Variants in GPC5 observed in about 807,000 individuals in gnomAD.
GPC5 encodes the protein glypican 5.
GPC5 carries 47 observed loss-of-function variants against 53.9 expected under a neutral mutation model. The observed-to-expected ratio is 0.87, with a 90% CI of 0.69 to 1.11. The LOEUF (loss-of-function observed/expected upper bound fraction) is 1.11, where lower values mean the gene tolerates loss of function less well. GPC5 is among the 50% of genes most tolerant of loss of function. The probability of loss-of-function intolerance (pLI) is 0.00; values close to 1 mark genes in which losing one functional copy is unlikely to be tolerated. For synonymous variants in GPC5, 286 were observed against 263.3 expected (o/e 1.09, Z -0.84); for missense variants, 748 against 713.1 (o/e 1.05, Z -0.56).
intron 5 of GPC5, among the ~76,000 whole-genome samples, chr13:91,796,009 C>A (rs2038040236): frequency 6.6e-6 from 1 of 152,106 alleles, no homozygotes; most frequent in Admixed American, 6.5e-5. Flanking sequence ...CCAGAGCTCC[C>A]AAGATGGTGG....
chr13:92,455,627 A>G (rs1878234567), intron 7 of GPC5, among the ~76,000 whole-genome samples: 1 of 152,236 alleles, frequency 6.6e-6, no homozygotes, highest in Admixed American at 6.5e-5. Flanking sequence ...AATTGGTTAA[A>G]TGCTATTATG....
chr13:92,580,902 A>G (rs1422090109), intron 7 of GPC5, among the ~76,000 whole-genome samples: 1 of 152,156 alleles, frequency 6.6e-6, no homozygotes, highest in Non-Finnish European at 1.5e-5. Flanking sequence ...AACTATACAA[A>G]TATGCATATA....
At chr13:92,465,527 C>T (rs1878657043) in intron 7 of GPC5, among the ~76,000 whole-genome samples, 1 of 151,972 alleles carries the variant, frequency 6.6e-6, no homozygotes, top group Non-Finnish European at 1.5e-5. Context: ...ATTGGGTTAT[C>T]TATTATGCTA....
intron 7 of GPC5, among the ~76,000 whole-genome samples, chr13:92,767,609 T>C (rs969721162): frequency 1.3e-5 from 2 of 152,242 alleles, no homozygotes; most frequent in African/African-American, 2.4e-5. Flanking sequence ...TGTATTTCTC[T>C]TCACAGAAAG....
At chr13:92,443,125 G>A (rs555741048) in intron 7 of GPC5, among the ~76,000 whole-genome samples, 1 of 152,124 alleles carries the variant, frequency 6.6e-6, no homozygotes, top group Non-Finnish European at 1.5e-5. Context: ...GAAGGAGAAG[G>A]GGGAGCAGGC....
intron 7 of GPC5, among the ~76,000 whole-genome samples, chr13:92,401,904 T>A (rs963601127): frequency 4.6e-5 from 7 of 152,188 alleles, no homozygotes; most frequent in African/African-American, 1.4e-4. Flanking sequence ...TGGCTTAAAA[T>A]GACATCTTGC....
intron 7 of GPC5, among the ~76,000 whole-genome samples, chr13:92,365,920 C>G (rs778538829): frequency 6.6e-6 from 1 of 151,472 alleles, no homozygotes; most frequent in Non-Finnish European, 1.5e-5. Flanking sequence ...AAAGCATGCA[C>G]TCAAAAATAA....
intron 7 of GPC5, among the ~76,000 whole-genome samples, chr13:92,676,057 T>G (rs1209570869): frequency 1.3e-5 from 2 of 152,178 alleles, no homozygotes; most frequent in Non-Finnish European, 2.9e-5. Context: ...AACCAGATAT[T>G]TTTTGCCATG....
At chr13:91,733,061 G>T (rs1425717467) in intron 4 of GPC5, among the ~76,000 whole-genome samples, 1 of 152,206 alleles carries the variant, frequency 6.6e-6, no homozygotes, top group Non-Finnish European at 1.5e-5. Flanking sequence ...TGTGAAGAAT[G>T]TCAATGGTAG....
At chr13:92,038,328 G>A (rs1431597122) in intron 6 of GPC5, among the ~76,000 whole-genome samples, 1 of 150,316 alleles carries the variant, frequency 6.7e-6, no homozygotes, top group Non-Finnish European at 1.5e-5. Flanking sequence ...TAAGATTGGA[G>A]TTTATGAGCA....
intron 3 of GPC5, among the ~76,000 whole-genome samples, chr13:91,695,879 T>C (rs1189931484): frequency 6.6e-6 from 1 of 152,226 alleles, no homozygotes; most frequent in East Asian, 1.9e-4. Flanking sequence ...TTTTGTGTCC[T>C]TAAAATCTAT....
chr13:91,918,819 T>C (rs2039683764), intron 6 of GPC5, among the ~76,000 whole-genome samples: 2 of 152,186 alleles, frequency 1.3e-5, no homozygotes, highest in Admixed American at 1.3e-4. Context: ...TGTATCTCTT[T>C]ATTTCCTTTA....
chr13:92,588,150 C>T (rs1883597494), intron 7 of GPC5, among the ~76,000 whole-genome samples: 1 of 152,072 alleles, frequency 6.6e-6, no homozygotes, highest in African/African-American at 2.4e-5. Context: ...TGTTCAACTC[C>T]CACTTATGAA....
intron 5 of GPC5, among the ~76,000 whole-genome samples, chr13:91,868,022 T>A (rs547043370): frequency 6.6e-6 from 1 of 152,188 alleles, no homozygotes; most frequent in African/African-American, 2.4e-5. Context: ...TATAGTTTTA[T>A]AGATACAGGA....
At chr13:91,807,394 G>A (rs1288684757) in intron 5 of GPC5, among the ~76,000 whole-genome samples, 1 of 152,160 alleles carries the variant, frequency 6.6e-6, no homozygotes, top group Non-Finnish European at 1.5e-5. Flanking sequence ...ACTCATTCAT[G>A]CATGTAAGTA....
chr13:92,296,446 G>T (rs954443769), intron 7 of GPC5, among the ~76,000 whole-genome samples: 2 of 152,116 alleles, frequency 1.3e-5, no homozygotes, highest in Admixed American at 6.5e-5. Context: ...TGGGGGATGG[G>T]GGTGAGATTC....
chr13:91,710,816 C>G (rs1219591794), intron 3 of GPC5, among the ~76,000 whole-genome samples: 1 of 152,052 alleles, frequency 6.6e-6, no homozygotes, highest in Admixed American at 6.5e-5. Context: ...TTGTAGTTCA[C>G]TCATGTTCAT....
At chr13:91,402,618 T>G (rs2138745188) in intron 1 of GPC5, among the ~76,000 whole-genome samples, 1 of 152,316 alleles carries the variant, frequency 6.6e-6, no homozygotes, top group South Asian at 2.1e-4. Flanking sequence ...TCTTAAAAAG[T>G]GTTTGCATAG....
chr13:91,877,835 A>T (rs1005712737), intron 5 of GPC5, among the ~76,000 whole-genome samples: 15 of 152,182 alleles, frequency 9.9e-5, no homozygotes, highest in Non-Finnish European at 2.1e-4. Context: ...TTTGAATTGT[A>T]TCTCCCAGAA....
Sources: gnomAD v4.1 joint callset for allele counts (sites outside exome capture counted in the v4.1 genomes callset) on GRCh38, gnomAD v4.1.1 for gene constraint, MANE v1.5 for transcripts, NCBI Gene and HGNC (gene_info 2026-07-23, HGNC 2026-07-21) for gene names.